The following LRRC4C variants were observed in gnomAD, a reference collection of about 807,000 sequenced individuals.
The protein encoded by LRRC4C is leucine-rich repeat-containing protein 4C.
Under a neutral mutation model 33.6 loss-of-function variants are expected in LRRC4C, and 5 were observed. The observed-to-expected ratio is 0.15, with a 90% CI of 0.08 to 0.31. LRRC4C has a LOEUF of 0.31. Ranked by LOEUF, LRRC4C falls within the 10% of genes least tolerant of loss-of-function variation. The probability of loss-of-function intolerance (pLI) is 1.00; values close to 1 mark genes in which losing one functional copy is unlikely to be tolerated. For synonymous variants in LRRC4C, 329 were observed against 302.0 expected (o/e 1.09, Z -0.93); for missense variants, 560 against 796.7 (o/e 0.70, Z 3.58).
intron 3 of LRRC4C, among the ~76,000 whole-genome samples, chr11:40,382,520 C>T (rs1948922093): frequency 6.6e-6 from 1 of 151,384 alleles, no homozygotes; most frequent in Non-Finnish European, 1.5e-5. Context: ...TCCTCCAACC[C>T]TCTTTATTTA....
chr11:40,779,079 CTACCA>C (rs1950119102), intron 2 of LRRC4C, among the ~76,000 whole-genome samples: 1 of 152,104 alleles, frequency 6.6e-6, no homozygotes. Context: ...GTGTAGGTAT[CTACCA>C]CCTACCACAG....
chr11:41,189,590 A>C (rs1325991431), intron 1 of LRRC4C, among the ~76,000 whole-genome samples: 4 of 152,172 alleles, frequency 2.6e-5, no homozygotes, highest in Admixed American at 2.0e-4. Flanking sequence ...ATGCAGCAGG[A>C]TTAGAAAGAA....
At chr11:41,211,156 C>G (rs565600401) in intron 1 of LRRC4C, among the ~76,000 whole-genome samples, 1 of 152,002 alleles carries the variant, frequency 6.6e-6, no homozygotes, top group African/African-American at 2.4e-5. Context: ...TAGAAAGAAG[C>G]TATATTTAGA....
chr11:40,220,227 T>C (rs1453386657), intron 5 of LRRC4C, among the ~76,000 whole-genome samples: 2 of 152,286 alleles, frequency 1.3e-5, no homozygotes, highest in East Asian at 1.9e-4. Flanking sequence ...AGAGTAATAA[T>C]CACTAACATA....
intron 3 of LRRC4C, among the ~76,000 whole-genome samples, chr11:40,365,213 G>T (rs191089793): frequency 4.9e-4 from 75 of 152,008 alleles, no homozygotes; most frequent in Middle Eastern, 3.4e-3. Flanking sequence ...AAAGCATTGT[G>T]ATGTATCATA....
At chr11:41,149,312 C>T (rs1565427854) in intron 1 of LRRC4C, among the ~76,000 whole-genome samples, 2 of 151,546 alleles carry the variant, frequency 1.3e-5, no homozygotes, top group South Asian at 2.1e-4. Flanking sequence ...GAGACCATCC[C>T]GGCTAAAAAA....
At chr11:41,053,808 T>A (rs1039713192) in intron 1 of LRRC4C, among the ~76,000 whole-genome samples, 1 of 152,206 alleles carries the variant, frequency 6.6e-6, no homozygotes, top group Non-Finnish European at 1.5e-5. Flanking sequence ...TGTTTTTCCA[T>A]TTAAAATGTT....
chr11:41,310,819 T>TA (rs1331562438), intron 1 of LRRC4C, among the ~76,000 whole-genome samples: 1 of 152,174 alleles, frequency 6.6e-6, no homozygotes, highest in East Asian at 1.9e-4. Context: ...CATTTTAAGA[T>TA]AAAAATAAAA....
intron 3 of LRRC4C, among the ~76,000 whole-genome samples, chr11:40,465,346 CTG>C (rs1317187812): frequency 6.6e-6 from 1 of 151,942 alleles, no homozygotes; most frequent in African/African-American, 2.4e-5. Context: ...AGACCTGAAA[CTG>C]TTAAAATTAT....
rs543381232 is a variant in LRRC4C at position 40,868,397 on chromosome 11, T to A, written c.-407+65238A>T. Among the ~76,000 whole-genome samples, 5 of 152,252 alleles carry A rather than the reference T, an allele frequency of 3.3e-5. No homozygotes were observed. In the South Asian group the frequency reaches 1.0e-3, roughly 32 times the overall value. On this transcript the variant is annotated intron_variant, in intron 2 of 6. Coordinates refer to ENST00000528697, the MANE Select transcript of LRRC4C (RefSeq NM_001258419.2). ...CAGGACTTCACTTTCAGAGGAAACA[T>A]CTGGAAAGTCCTGTTTGTTCTCATT...
At chr11:40,907,928 C>T (rs1184436997) in intron 2 of LRRC4C, among the ~76,000 whole-genome samples, 1 of 152,114 alleles carries the variant, frequency 6.6e-6, no homozygotes, top group Non-Finnish European at 1.5e-5. Context: ...ATTCCAATGT[C>T]GTGCACTTGA....
At chr11:40,225,684 TCGG>T (rs1400671969) in intron 5 of LRRC4C, among the ~76,000 whole-genome samples, 1 of 151,218 alleles carries the variant, frequency 6.6e-6, no homozygotes, top group Non-Finnish European at 1.5e-5. Context: ...TGGCACGATC[TCGG>T]CTCACAGCAA....
chr11:40,152,539 C>T (rs1858309832), intron 5 of LRRC4C, among the ~76,000 whole-genome samples: 1 of 152,186 alleles, frequency 6.6e-6, no homozygotes, highest in Non-Finnish European at 1.5e-5. Flanking sequence ...GGCAGATAGC[C>T]TCCAGCAAGT....
chr11:40,549,631 G>C (rs565371680), intron 3 of LRRC4C, among the ~76,000 whole-genome samples: 1 of 152,122 alleles, frequency 6.6e-6, no homozygotes, highest in Non-Finnish European at 1.5e-5. Flanking sequence ...AATTCTGAGA[G>C]AATTATTGAC....
At chr11:40,639,251 A>G (rs1419097769) in intron 3 of LRRC4C, among the ~76,000 whole-genome samples, 1 of 152,148 alleles carries the variant, frequency 6.6e-6, no homozygotes, top group South Asian at 2.1e-4. Context: ...TCTTTTGCCA[A>G]ATCAAATGAA....
intron 1 of LRRC4C, among the ~76,000 whole-genome samples, chr11:41,442,297 A>G (rs1479100143): frequency 6.6e-6 from 1 of 152,002 alleles, no homozygotes; most frequent in Non-Finnish European, 1.5e-5. Flanking sequence ...GTGTTATTCC[A>G]ATATACATTG....
intron 6 of LRRC4C, among the ~76,000 whole-genome samples, chr11:40,135,030 G>A (rs1039664566): frequency 5.3e-5 from 8 of 152,148 alleles, no homozygotes; most frequent in African/African-American, 1.7e-4. Flanking sequence ...TCCAGGCAAC[G>A]TCATTTAATC....
chr11:40,360,267 GA>G (rs1410149309), intron 3 of LRRC4C, among the ~76,000 whole-genome samples: 4 of 152,092 alleles, frequency 2.6e-5, no homozygotes, highest in Non-Finnish European at 5.9e-5. Context: ...ACAGTATTTA[GA>G]AAGGCAAAGA....
At chr11:40,506,670 C>A (rs1955050308) in intron 3 of LRRC4C, among the ~76,000 whole-genome samples, 1 of 151,448 alleles carries the variant, frequency 6.6e-6, no homozygotes, top group South Asian at 2.1e-4. Flanking sequence ...TGTTTATATA[C>A]AAAATAACAT....
Sources: gnomAD v4.1 joint callset for allele counts (sites outside exome capture counted in the v4.1 genomes callset) on GRCh38, gnomAD v4.1.1 for gene constraint, MANE v1.5 for transcripts, NCBI Gene and HGNC (gene_info 2026-07-23, HGNC 2026-07-21) for gene names.